The following SLC8A1 variants were observed in gnomAD, a reference collection of about 807,000 sequenced individuals.
SLC8A1 encodes the protein sodium/calcium exchanger 1.
SLC8A1 carries 18 observed loss-of-function variants against 68.3 expected under a neutral mutation model. That is an observed-to-expected ratio of 0.26 (90% CI 0.18 to 0.39). SLC8A1 has a LOEUF of 0.39. SLC8A1 is among the 10% of genes least tolerant of loss of function. The pLI is 1.00. For synonymous variants in SLC8A1, 475 were observed against 415.5 expected (o/e 1.14, Z -1.74); for missense variants, 985 against 1,156.7 (o/e 0.85, Z 2.15).
chr2:40,371,487 G>A (rs909991887), intron 2 of SLC8A1, among the ~76,000 whole-genome samples: 1 of 152,012 alleles, frequency 6.6e-6, no homozygotes, highest in African/African-American at 2.4e-5. Context: ...TGTTACCAAG[G>A]CTCAGGGACC....
At chr2:40,422,511 G>C (rs1427394621) in intron 2 of SLC8A1, among the ~76,000 whole-genome samples, 1 of 152,024 alleles carries the variant, frequency 6.6e-6, no homozygotes, top group Non-Finnish European at 1.5e-5. Context: ...CTTGGTTAAT[G>C]GTGTCCTAAG....
chr2:40,122,241 C>T (rs1459696477), intron 7 of SLC8A1, among the ~76,000 whole-genome samples: 1 of 151,666 alleles, frequency 6.6e-6, no homozygotes, highest in Non-Finnish European at 1.5e-5. Context: ...CGCGCGCACA[C>T]ACACACACAC....
chr2:40,485,274 T>C (rs1453485988), intron 1 of SLC8A1, among the ~76,000 whole-genome samples: 1 of 152,156 alleles, frequency 6.6e-6, no homozygotes, highest in Non-Finnish European at 1.5e-5. Context: ...GCTTTCTAAA[T>C]TGGAACTACA....
intron 2 of SLC8A1, among the ~76,000 whole-genome samples, chr2:40,211,445 G>C (rs2056571904): frequency 6.6e-6 from 1 of 152,194 alleles, no homozygotes; most frequent in Non-Finnish European, 1.5e-5. Flanking sequence ...AGATGGGAAA[G>C]TCATCAATGC....
rs35656645 is a variant in SLC8A1 at position 40,239,051 on chromosome 2, G to GA, written c.1809-61197dup. On this transcript the variant is annotated intron_variant, in intron 2 of 7. Transcript: ENST00000406785. ...AATGAATTTTAATGAAATTGCAGCAGAAAAAAAAAAAAGAATTTTATGGAG... is the reference window on the plus strand; with the variant it reads ...AATGAATTTTAATGAAATTGCAGCAGAAAAAAAAAAAAAGAATTTTATGGAG... Among the ~76,000 whole-genome samples, 515 of 146,632 alleles carry GA rather than the reference G, an allele frequency of 3.5e-3. 1 individual carries two copies. The highest frequency in any genetic ancestry group is 0.014 in the Middle Eastern group (4 of 278).
In SLC8A1 at chr2:40,430,357, C is replaced by A; in HGVS notation, c.-24-53G>T. On this transcript the variant is annotated intron_variant, in intron 1 of 7. Coordinates refer to ENST00000406785, the Ensembl canonical transcript of SLC8A1. The stretch of plus-strand genomic sequence containing the variant: ...CAGAAAAAAAGTCATGTCATTAGAG[C>A]TGCAGCCAAAGCATTACTAATTACT... The A allele has an allele frequency of 2.7e-6, 4 of 1,493,836 alleles. No individual in the cohort carries two copies. In the South Asian group the frequency reaches 5.4e-5, roughly 20 times the overall value. The allele number at this position is 1,493,836 out of a possible 1,614,324, so 92.5% of individuals were successfully genotyped here.
chr2:40,381,925 C>T (rs1215518457), intron 2 of SLC8A1, among the ~76,000 whole-genome samples: 1 of 151,938 alleles, frequency 6.6e-6, no homozygotes, highest in African/African-American at 2.4e-5. Flanking sequence ...TACATTTCTT[C>T]CCTGCTCTAC....
chr2:40,264,950 G>C (rs1260358872), intron 2 of SLC8A1, among the ~76,000 whole-genome samples: 1 of 152,200 alleles, frequency 6.6e-6, no homozygotes, highest in African/African-American at 2.4e-5. Flanking sequence ...CTGAGGCTTA[G>C]AGGGTGTTTA....
chr2:40,231,941 G>C (rs1214526923), intron 2 of SLC8A1, among the ~76,000 whole-genome samples: 2 of 152,124 alleles, frequency 1.3e-5, no homozygotes, highest in East Asian at 3.9e-4. Context: ...GGAGGGACTC[G>C]ACGAGGAACT....
chr2:40,510,613 T>A (rs1706658869), intron 1 of SLC8A1, among the ~76,000 whole-genome samples: 1 of 152,176 alleles, frequency 6.6e-6, no homozygotes, highest in Admixed American at 6.5e-5. Context: ...TTTAAAGCCA[T>A]CTTTTCGTAG....
At chr2:40,507,906 C>G (rs1055439021) in intron 1 of SLC8A1, among the ~76,000 whole-genome samples, 30 of 152,010 alleles carry the variant, frequency 2.0e-4, no homozygotes, top group African/African-American at 7.2e-4. Context: ...GAATCTAGAA[C>G]TCAGGATTTT....
In SLC8A1 at chr2:40,299,673, C is replaced by T. The variant is rs373250321; in HGVS notation, c.1809-121818G>A. Among the ~76,000 whole-genome samples the T allele has an allele frequency of 3.3e-5, 5 of 152,130 alleles. No individual in the cohort carries two copies. The South Asian group carries it at 6.2e-4, about 19-fold the overall frequency. ...CCTAAATCCTCCCCCACCTTCAATG[C>T]CATTGCTCTATGCTACACCTGCAAC... On this transcript the variant is annotated intron_variant, in intron 2 of 7. Coordinates refer to ENST00000406785, the Ensembl canonical transcript of SLC8A1.
At position 40,309,285 on chromosome 2, in the gene SLC8A1, T is replaced by C. The variant is rs144139762; in HGVS notation, c.1808+119188A>G. Among the ~76,000 whole-genome samples, 417 of 152,298 alleles carry C rather than the reference T, an allele frequency of 2.7e-3. 4 individuals carry two copies. The highest frequency in any genetic ancestry group is 9.7e-3 in the African/African-American group (403 of 41,576). On this transcript the variant is annotated intron_variant, in intron 2 of 7. Transcript: ENST00000406785. ...CAGGAATAAAGTTTGTAGATATTTATTGCAGCTTCCTGTTGCTGCTATCTC... is the reference window on the plus strand; with the variant it reads ...CAGGAATAAAGTTTGTAGATATTTACTGCAGCTTCCTGTTGCTGCTATCTC...
At chr2:40,115,829 C>G (rs2035220967) in intron 7 of SLC8A1, among the ~76,000 whole-genome samples, 200 bp from the exon 11 acceptor site, 2 of 152,180 alleles carry the variant, frequency 1.3e-5, no homozygotes, top group Admixed American at 1.3e-4. Flanking sequence ...GGGTTCAGTG[C>G]TGGCTGTGTA....
intron 6 of SLC8A1, among the ~76,000 whole-genome samples, chr2:40,145,023 C>G (rs1236174761): frequency 6.6e-6 from 1 of 152,148 alleles, no homozygotes; most frequent in Non-Finnish European, 1.5e-5. Context: ...ACATGTGCAT[C>G]CTTCCTATCT....
intron 2 of SLC8A1, among the ~76,000 whole-genome samples, chr2:40,411,286 C>CA (rs1692055345): frequency 6.6e-6 from 1 of 152,020 alleles, no homozygotes. Context: ...ACACAGCATA[C>CA]ACTCAGCAAA....
At chr2:40,145,559 C>T (rs192570629) in intron 6 of SLC8A1, among the ~76,000 whole-genome samples, 132 of 152,320 alleles carry the variant, frequency 8.7e-4, no homozygotes, top group African/African-American at 3.0e-3. Flanking sequence ...ACCTGACATA[C>T]AGTAATTACA....
chr2:40,427,514 C>T (rs572253047), intron 2 of SLC8A1, among the ~76,000 whole-genome samples: 1 of 152,048 alleles, frequency 6.6e-6, no homozygotes, highest in Non-Finnish European at 1.5e-5. Flanking sequence ...CTCCCTCCCT[C>T]CTTTCCCCCC....
chr2:40,264,856 A>G (rs926102393), intron 2 of SLC8A1, among the ~76,000 whole-genome samples: 1 of 148,260 alleles, frequency 6.7e-6, no homozygotes, highest in African/African-American at 2.5e-5. Flanking sequence ...TAAAAAAAAA[A>G]TAGAGCACAC....
Sources: gnomAD v4.1 joint callset for allele counts (sites outside exome capture counted in the v4.1 genomes callset) on GRCh38, gnomAD v4.1.1 for gene constraint, MANE v1.5 for transcripts, NCBI Gene and HGNC (gene_info 2026-07-23, HGNC 2026-07-21) for gene names.